Variants in ANKS1B observed in about 807,000 individuals in gnomAD.
ANKS1B encodes ankyrin repeat and sterile alpha motif domain containing 1B, also known as ankyrin repeat and sterile alpha motif domain-containing protein 1B.
In ANKS1B, 36 loss-of-function variants were observed where a neutral mutation model predicts 148.3. The observed-to-expected ratio is 0.24, with a 90% CI of 0.19 to 0.32. The LOEUF (loss-of-function observed/expected upper bound fraction) is 0.32. Ranked by LOEUF, ANKS1B falls within the 10% of genes least tolerant of loss-of-function variation. The pLI is 1.00. For missense variants in ANKS1B, 1,157 were observed against 1,542.6 expected, an observed-to-expected ratio of 0.75 and a Z score of 4.19; for synonymous variants, 542 against 560.8, an observed-to-expected ratio of 0.97 and a Z score of 0.47.
intron 25 of ANKS1B, among the ~76,000 whole-genome samples, chr12:98,752,255 A>T (rs1318069397): frequency 8.8e-6 from 1 of 113,584 alleles, no homozygotes; most frequent in African/African-American, 4.1e-5. Context: ...TCACGGGTGC[A>T]TTTTTTTTCT....
At chr12:99,091,884 T>C (rs1160047561) in intron 15 of ANKS1B, among the ~76,000 whole-genome samples, 1 of 152,174 alleles carries the variant, frequency 6.6e-6, no homozygotes, top group African/African-American at 2.4e-5. Context: ...GCAGGAATCA[T>C]GCAGGAGATA....
chr12:99,272,298 G>A (rs2077136776), intron 12 of ANKS1B, among the ~76,000 whole-genome samples: 1 of 152,132 alleles, frequency 6.6e-6, no homozygotes, highest in Non-Finnish European at 1.5e-5. Flanking sequence ...TTAAGGCCAT[G>A]TGACTAGAAC....
chr12:99,758,452 G>C (rs2061770363), intron 8 of ANKS1B, among the ~76,000 whole-genome samples: 1 of 151,796 alleles, frequency 6.6e-6, no homozygotes, highest in South Asian at 2.1e-4. Flanking sequence ...TCTGTGGTGA[G>C]CACTGTGTTA....
chr12:99,701,317 T>G, intron 8 of ANKS1B, among the ~76,000 whole-genome samples: 1 of 152,112 alleles, frequency 6.6e-6, no homozygotes, highest in East Asian at 1.9e-4. Flanking sequence ...TGCTAAACAA[T>G]AGTATATAGA....
intron 10 of ANKS1B, among the ~76,000 whole-genome samples, chr12:99,445,613 C>T (rs1314489951): frequency 6.6e-6 from 1 of 151,972 alleles, no homozygotes; most frequent in South Asian, 2.1e-4. Context: ...AATATATGAA[C>T]TTTGTAATTT....
chr12:99,311,014 T>C (rs1416758754), intron 12 of ANKS1B, among the ~76,000 whole-genome samples: 1 of 152,162 alleles, frequency 6.6e-6, no homozygotes, highest in Non-Finnish European at 1.5e-5. Context: ...AGCTATTACA[T>C]ATAAGACACT....
intron 8 of ANKS1B, among the ~76,000 whole-genome samples, chr12:99,772,268 C>T (rs980269253): frequency 6.6e-6 from 1 of 152,092 alleles, no homozygotes; most frequent in Non-Finnish European, 1.5e-5. Flanking sequence ...TGTAAACTCT[C>T]ATTCCTAATA....
chr12:99,838,429 T>C (rs1033139454), intron 1 of ANKS1B, among the ~76,000 whole-genome samples: 1 of 152,220 alleles, frequency 6.6e-6, no homozygotes, highest in Non-Finnish European at 1.5e-5. Flanking sequence ...AATTTCATTT[T>C]TTCTATGAGT....
At chr12:99,392,278 C>G (rs530239050) in intron 12 of ANKS1B, among the ~76,000 whole-genome samples, 2 of 152,348 alleles carry the variant, frequency 1.3e-5, no homozygotes, top group African/African-American at 4.8e-5. Context: ...AAAACACAGG[C>G]CTTCATTTGC....
rs376688924 is a variant in ANKS1B, at chr12:99,640,459, T to C, written c.1272+14608A>G. ...TGAGGACTTTGCCCTCATGAATGGA[T>C]AAATGTCATTATTCTTGGAGTGTGT... On this transcript the variant is annotated intron_variant, in intron 9 of 26. Coordinates refer to ENST00000683438, the MANE Select transcript of ANKS1B (RefSeq NM_001352186.2). 6.6e-5 allele frequency among the ~76,000 whole-genome samples: 10 copies of C among 152,096 alleles called. No homozygotes were observed. In the East Asian group the frequency reaches 1.8e-3, roughly 27 times the overall value.
chr12:99,216,179 T>C (rs2084153935), intron 14 of ANKS1B, among the ~76,000 whole-genome samples: 1 of 152,208 alleles, frequency 6.6e-6, no homozygotes, highest in Non-Finnish European at 1.5e-5. Context: ...TTGCCTTCTG[T>C]CATGATTGTG....
At chr12:99,696,284 ATTG>A (rs1442935433) in intron 8 of ANKS1B, among the ~76,000 whole-genome samples, 1 of 152,182 alleles carries the variant, frequency 6.6e-6, no homozygotes, top group African/African-American at 2.4e-5. Flanking sequence ...TCTACGATAT[ATTG>A]TTAAGTGAAA....
chr12:99,772,749 C>T (rs750999366), intron 8 of ANKS1B, 173 bp downstream of exon 8: 55 of 530,712 alleles, frequency 1.0e-4, no homozygotes, highest in Non-Finnish European at 1.5e-4. Flanking sequence ...ACTCCTTCCC[C>T]TACACATGCA....
intron 15 of ANKS1B, among the ~76,000 whole-genome samples, chr12:99,145,719 G>C (rs1346065046): frequency 2.0e-5 from 3 of 152,058 alleles, no homozygotes; most frequent in Non-Finnish European, 4.4e-5. Flanking sequence ...TTGCAGTATA[G>C]CAGTGGCTCA....
At chr12:99,356,776 C>A (rs955334234) in intron 12 of ANKS1B, among the ~76,000 whole-genome samples, 7 of 152,082 alleles carry the variant, frequency 4.6e-5, no homozygotes, top group African/African-American at 1.7e-4. Flanking sequence ...CCCTTTAAAA[C>A]CTGCTTTACT....
At chr12:99,036,609 G>A (rs960819081) in intron 17 of ANKS1B, among the ~76,000 whole-genome samples, 1 of 152,114 alleles carries the variant, frequency 6.6e-6, no homozygotes, top group African/African-American at 2.4e-5. Flanking sequence ...TTATAATTTG[G>A]CATCAGTACT....
At chr12:99,575,624 A>C (rs1011530782) in intron 9 of ANKS1B, among the ~76,000 whole-genome samples, 3 of 152,028 alleles carry the variant, frequency 2.0e-5, no homozygotes, top group African/African-American at 7.2e-5. Context: ...AAATCATCAG[A>C]TCTCGTGAGA....
chr12:99,522,464 C>T (rs1367722995), intron 9 of ANKS1B, among the ~76,000 whole-genome samples: 2 of 152,070 alleles, frequency 1.3e-5, no homozygotes, highest in Non-Finnish European at 2.9e-5. Context: ...GAACATTATG[C>T]CCCCCAAGAA....
intron 15 of ANKS1B, among the ~76,000 whole-genome samples, chr12:99,140,282 T>G (rs2070189734): frequency 6.6e-6 from 1 of 152,182 alleles, no homozygotes; most frequent in Admixed American, 6.5e-5. Flanking sequence ...CTAATCAGTC[T>G]GTGGTGAGTA....
Sources: gnomAD v4.1 joint callset for allele counts (sites outside exome capture counted in the v4.1 genomes callset) on GRCh38, gnomAD v4.1.1 for gene constraint, MANE v1.5 for transcripts, NCBI Gene and HGNC (gene_info 2026-07-23, HGNC 2026-07-21) for gene names.